The following ZCCHC7 variants were observed in gnomAD, a reference collection of about 807,000 sequenced individuals.
The protein encoded by ZCCHC7 is zinc finger CCHC-type containing 7.
Under a neutral mutation model 52.0 loss-of-function variants are expected in ZCCHC7, and 35 were observed. The observed-to-expected ratio is 0.67, with a 90% CI of 0.51 to 0.89. The LOEUF (loss-of-function observed/expected upper bound fraction) is 0.89, where lower values mean the gene tolerates loss of function less well. Ranked by LOEUF, ZCCHC7 falls within the 40% of genes least tolerant of loss-of-function variation. The pLI, the probability that ZCCHC7 is intolerant of heterozygous loss-of-function variation, is 0.00. For synonymous variants in ZCCHC7, 217 were observed against 221.5 expected (o/e 0.98, Z 0.18); for missense variants, 574 against 649.1 (o/e 0.88, Z 1.26).
chr9:37,132,876 C>T (rs1166717780), intron 2 of ZCCHC7, among the ~76,000 whole-genome samples: 3 of 152,210 alleles, frequency 2.0e-5, no homozygotes, highest in African/African-American at 7.2e-5. Context: ...TGGTGGCTCA[C>T]GCCTGTAATC....
chr9:37,194,664 T>G (rs1482177564), intron 2 of ZCCHC7, among the ~76,000 whole-genome samples: 1 of 152,214 alleles, frequency 6.6e-6, no homozygotes, highest in Non-Finnish European at 1.5e-5. Flanking sequence ...GTTGTCCTGG[T>G]TAACTTCAGG....
At chr9:37,204,433 G>A (rs1436437596) in intron 2 of ZCCHC7, among the ~76,000 whole-genome samples, 1 of 152,114 alleles carries the variant, frequency 6.6e-6, no homozygotes, top group Non-Finnish European at 1.5e-5. Context: ...GGTTTTTATG[G>A]TTTTGTGTTT....
chr9:37,164,917 G>C (rs1821336008), intron 2 of ZCCHC7, among the ~76,000 whole-genome samples: 1 of 152,110 alleles, frequency 6.6e-6, no homozygotes, highest in Admixed American at 6.5e-5. Context: ...AAAGTGTGGT[G>C]GGGGGTGAAT....
chr9:37,252,102 A>G lies in ZCCHC7; in HGVS notation c.611-50086A>G, dbSNP rs73646341. 3.9e-3 allele frequency among the ~76,000 whole-genome samples: 598 copies of G among 152,256 alleles called. 3 individuals are homozygous for G. Among genetic ancestry groups the G allele is most frequent in the African/African-American group, 0.013 (559 of 41,554 alleles). On this transcript the variant is annotated intron_variant, in intron 2 of 8. Coordinates refer to ENST00000336755, the MANE Select transcript of ZCCHC7 (RefSeq NM_032226.3). ...TATGGTTTGGTATAAACTATACCAA[A>G]TTTTTGTGAATAAATTGGATTTATG...
intron 2 of ZCCHC7, among the ~76,000 whole-genome samples, chr9:37,178,533 T>C (rs959539233): frequency 2.0e-5 from 3 of 151,870 alleles, no homozygotes; most frequent in African/African-American, 7.3e-5. Context: ...CTCACAATGG[T>C]TGGCAAATAA....
At chr9:37,337,392 TA>T (rs1338626575) in intron 6 of ZCCHC7, among the ~76,000 whole-genome samples, 741 of 13,644 alleles carry the variant, frequency 0.054, 1 homozygote, top group Non-Finnish European at 0.06. Context: ...CACCCCACCC[TA>T]CCCACCCACC....
At chr9:37,198,123 C>T (rs563248777) in intron 2 of ZCCHC7, among the ~76,000 whole-genome samples, 1 of 152,312 alleles carries the variant, frequency 6.6e-6, no homozygotes, top group African/African-American at 2.4e-5. Context: ...CTCTGGCCCT[C>T]TTACTTGTCC....
chr9:37,240,341 T>C (rs979352426), intron 2 of ZCCHC7, among the ~76,000 whole-genome samples: 30 of 152,002 alleles, frequency 2.0e-4, no homozygotes, highest in African/African-American at 7.2e-4. Flanking sequence ...TTTATATTTA[T>C]ATGTTTTATG....
intron 6 of ZCCHC7, among the ~76,000 whole-genome samples, chr9:37,337,629 A>G (rs2118412786): frequency 6.6e-6 from 1 of 152,296 alleles, no homozygotes; most frequent in Non-Finnish European, 1.5e-5. Context: ...GAAGCCTCAT[A>G]GCACATTGCT....
At chr9:37,288,563 C>G (rs1456413843) in intron 2 of ZCCHC7, among the ~76,000 whole-genome samples, 2 of 151,806 alleles carry the variant, frequency 1.3e-5, no homozygotes, top group African/African-American at 4.8e-5. Context: ...CCCCTGAATT[C>G]TCTCCTTCAG....
At chr9:37,187,452 CT>C (rs1422470468) in intron 2 of ZCCHC7, among the ~76,000 whole-genome samples, 1 of 152,238 alleles carries the variant, frequency 6.6e-6, no homozygotes, top group African/African-American at 2.4e-5. Flanking sequence ...GGCTCTAATT[CT>C]GACTAGCCTG....
intron 2 of ZCCHC7, among the ~76,000 whole-genome samples, chr9:37,285,257 T>C (rs138853394): frequency 2.0e-5 from 3 of 152,188 alleles, no homozygotes; most frequent in Non-Finnish European, 4.4e-5. Flanking sequence ...AAATGAGAAA[T>C]TGAAGCTGAG....
intron 2 of ZCCHC7, among the ~76,000 whole-genome samples, chr9:37,280,054 T>G (rs1317047935): frequency 1.3e-5 from 2 of 151,818 alleles, no homozygotes; most frequent in African/African-American, 4.8e-5. Context: ...GGCAGGAGAA[T>G]GGCGCGAACC....
chr9:37,336,610 T>G (rs576808752), intron 6 of ZCCHC7, among the ~76,000 whole-genome samples: 1 of 152,280 alleles, frequency 6.6e-6, no homozygotes, highest in African/African-American at 2.4e-5. Context: ...GAGCTATGGT[T>G]CTATTCTTTT....
chr9:37,286,234 A>G (rs1828202257), intron 2 of ZCCHC7, among the ~76,000 whole-genome samples: 1 of 152,332 alleles, frequency 6.6e-6, no homozygotes, highest in South Asian at 2.1e-4. Flanking sequence ...TGAGCCCTCT[A>G]GTCTGCCACT....
At chr9:37,206,909 T>G (rs1270619056) in intron 2 of ZCCHC7, among the ~76,000 whole-genome samples, 2 of 151,732 alleles carry the variant, frequency 1.3e-5, no homozygotes, top group Non-Finnish European at 2.9e-5. Flanking sequence ...GGGGATCTCT[T>G]GAGGCTAGGA....
intron 2 of ZCCHC7, among the ~76,000 whole-genome samples, chr9:37,133,691 T>A (rs1011403356): frequency 2.6e-5 from 4 of 152,116 alleles, no homozygotes; most frequent in Admixed American, 2.6e-4. Flanking sequence ...CAGGTTCAAG[T>A]GATTCTTCCA....
chr9:37,341,945 G>A (rs1820663636), intron 6 of ZCCHC7, among the ~76,000 whole-genome samples: 1 of 152,114 alleles, frequency 6.6e-6, no homozygotes, highest in South Asian at 2.1e-4. Flanking sequence ...GCAAATTACA[G>A]GCCATTGTAA....
Position 37,357,104 on chromosome 9 carries a change from A to G in ZCCHC7, c.1468A>G (p.Lys490Glu), listed in dbSNP as rs1223512070. The G allele has an allele frequency of 6.2e-7, 1 of 1,613,746 alleles. No individual in the cohort carries two copies. The highest frequency in any genetic ancestry group is 1.3e-5 in the African/African-American group (1 of 74,832). ...YSSPGSFKTQ[K>E]PSKPFHRSSH... Reference sequence around the variant, plus strand: ...TTCTCCTGGCAGTTTTAAAACCCAGAAGCCTTCTAAGCCCTTTCACCGTTC... The same window carrying G: ...TTCTCCTGGCAGTTTTAAAACCCAGGAGCCTTCTAAGCCCTTTCACCGTTC... The change falls in exon 9 of 9, where the codon AAG becomes GAG. Residue 490 changes from lysine (K) to glutamate (E), a missense_variant. By Grantham distance (56) the Lys-to-Glu change is moderately conservative. Coordinates refer to ENST00000336755, the MANE Select transcript of ZCCHC7 (RefSeq NM_032226.3).
Sources: gnomAD v4.1 joint callset for allele counts (sites outside exome capture counted in the v4.1 genomes callset) on GRCh38, gnomAD v4.1.1 for gene constraint, MANE v1.5 for transcripts, NCBI Gene and HGNC (gene_info 2026-07-23, HGNC 2026-07-21) for gene names.